Variants in METAP1D observed in about 807,000 individuals in gnomAD.
METAP1D encodes methionine aminopeptidase 1D, mitochondrial.
METAP1D carries 31 observed loss-of-function variants against 40.5 expected under a neutral mutation model. That is an observed-to-expected ratio of 0.77 (90% CI 0.58 to 1.03). The LOEUF (loss-of-function observed/expected upper bound fraction) is 1.03, where lower values mean the gene tolerates loss of function less well. METAP1D is among the 50% of genes least tolerant of loss of function. The probability of loss-of-function intolerance (pLI) is 0.00; values close to 1 mark genes in which losing one functional copy is unlikely to be tolerated. For synonymous variants in METAP1D, 151 were observed against 146.4 expected (o/e 1.03, Z -0.22); for missense variants, 411 against 420.7 (o/e 0.98, Z 0.20).
At chr2:172,050,827 G>A (rs999238323) in intron 1 of METAP1D, among the ~76,000 whole-genome samples, 8 of 152,140 alleles carry the variant, frequency 5.3e-5, no homozygotes, top group South Asian at 2.1e-4. Context: ...CAAAGAAAAT[G>A]ATATTTTGAT....
At chr2:172,014,762 C>G (rs775103575) in intron 1 of METAP1D, among the ~76,000 whole-genome samples, 1 of 152,162 alleles carries the variant, frequency 6.6e-6, no homozygotes, top group African/African-American at 2.4e-5. Context: ...AAGAAATTCT[C>G]CTGCCTCAGC....
intron 1 of METAP1D, among the ~76,000 whole-genome samples, chr2:172,049,768 T>G (rs1689848002): frequency 1.3e-5 from 2 of 152,204 alleles, no homozygotes; most frequent in African/African-American, 4.8e-5. Flanking sequence ...CTTGAATCTG[T>G]GTACTCTCAA....
chr2:172,017,047 A>G (rs1574093652), intron 1 of METAP1D, among the ~76,000 whole-genome samples: 1 of 151,996 alleles, frequency 6.6e-6, no homozygotes, highest in African/African-American at 2.4e-5. Context: ...TTTGTAACGT[A>G]TATCACATTT....
chr2:172,069,336 G>A (rs945729505), intron 5 of METAP1D, among the ~76,000 whole-genome samples: 2 of 151,982 alleles, frequency 1.3e-5, no homozygotes, highest in South Asian at 2.1e-4. Flanking sequence ...TCTTGACTAC[G>A]CCTATATTAG....
intron 1 of METAP1D, among the ~76,000 whole-genome samples, chr2:172,005,409 T>C (rs576171536): frequency 3.6e-4 from 55 of 151,438 alleles, no homozygotes; most frequent in Non-Finnish European, 7.5e-4. Context: ...TGGTTTTCTT[T>C]TCCTGAGTTA....
At chr2:172,001,799 A>G (rs756955075) in intron 1 of METAP1D, among the ~76,000 whole-genome samples, 7 of 152,082 alleles carry the variant, frequency 4.6e-5, no homozygotes, top group Non-Finnish European at 8.8e-5. Context: ...ATCTCTCAAG[A>G]TCTGGGTGCC....
chr2:172,025,747 C>T (rs957426496), intron 1 of METAP1D, among the ~76,000 whole-genome samples: 1 of 152,108 alleles, frequency 6.6e-6, no homozygotes, highest in African/African-American at 2.4e-5. Flanking sequence ...CGCTTCGTTG[C>T]CCAGGCTGGA....
intron 6 of METAP1D, among the ~76,000 whole-genome samples, chr2:172,077,420 A>T (rs1364543922): frequency 6.6e-6 from 1 of 152,246 alleles, no homozygotes; most frequent in African/African-American, 2.4e-5. Flanking sequence ...ACCTCAAAAA[A>T]GCCAGGCAGG....
Position 172,066,320 on chromosome 2 carries a change from A to T in METAP1D, c.540+14A>T. 6.2e-7 allele frequency: 1 copy of T among 1,605,886 alleles called. No individual in the cohort carries two copies. Among genetic ancestry groups the T allele is most frequent in the East Asian group, 2.2e-5 (1 of 44,718 alleles). On this transcript the variant is annotated intron_variant, in intron 5 of 9. Transcript: ENST00000315796. ...ATTGATGTCACAGTGAGTAAATCAT[A>T]TAAAAAATTGTCTTTGATCAACTTC...
chr2:172,049,936 T>C (rs1345651511), intron 1 of METAP1D, among the ~76,000 whole-genome samples: 1 of 152,220 alleles, frequency 6.6e-6, no homozygotes, highest in African/African-American at 2.4e-5. Flanking sequence ...ACGATAAGAT[T>C]GATATTCAAA....
At chr2:172,006,272 C>A (rs1286130639) in intron 1 of METAP1D, among the ~76,000 whole-genome samples, 6 of 151,990 alleles carry the variant, frequency 3.9e-5, no homozygotes, top group Non-Finnish European at 5.9e-5. Flanking sequence ...CAAGCTCCGC[C>A]TCCCAGGTTC....
At chr2:172,072,173 A>C (rs1690436809) in intron 6 of METAP1D, among the ~76,000 whole-genome samples, 1 of 152,202 alleles carries the variant, frequency 6.6e-6, no homozygotes, top group African/African-American at 2.4e-5. Context: ...CTGGGAAAAG[A>C]AATTTAATGC....
rs1462824189 is a variant in METAP1D at position 172,045,815 on chromosome 2, GTGTGTATATATATATATATATATATA to G, written c.41-15681_41-15656del. 4.5e-4 allele frequency among the ~76,000 whole-genome samples: 11 copies of G among 24,278 alleles called. No individual in the cohort carries two copies. In the South Asian group the frequency reaches 7.0e-3, roughly 16 times the overall value. The allele number at this position is 24,278 out of a possible 152,430, so 15.9% of individuals were successfully genotyped here. ...TGTATATATGTGTGTGTGTGTGTGTGTGTGTATATATATATATATATATATATATATATATATATATATATATATGA... is the reference window on the plus strand; with the variant it reads ...TGTATATATGTGTGTGTGTGTGTGTGTATATATATATATATATATATATGA... On this transcript the variant is annotated intron_variant, in intron 1 of 9. Transcript: ENST00000315796.
At chr2:172,021,932 T>G (rs991271776) in intron 1 of METAP1D, 3 of 152,244 alleles carry the variant, frequency 2.0e-5, no homozygotes, top group African/African-American at 7.2e-5. Context: ...AAGAAGAAAC[T>G]TTAAAACAAA....
intron 1 of METAP1D, among the ~76,000 whole-genome samples, chr2:172,024,748 T>TTG (rs61596658): frequency 0.053 from 3,555 of 66,598 alleles, 99 homozygotes; most frequent in African/African-American, 0.11. Context: ...GACATATAGA[T>TTG]TGTGTGTGTG....
intron 1 of METAP1D, among the ~76,000 whole-genome samples, chr2:172,037,028 G>C (rs1689409691): frequency 6.6e-6 from 1 of 152,324 alleles, no homozygotes; most frequent in South Asian, 2.1e-4. Flanking sequence ...GGTAGGCCAA[G>C]GTGGGCGGAT....
At chr2:172,010,775 T>C (rs1010743373) in intron 1 of METAP1D, among the ~76,000 whole-genome samples, 3 of 136,846 alleles carry the variant, frequency 2.2e-5, no homozygotes, top group Non-Finnish European at 4.7e-5. Context: ...TGAGATGAAG[T>C]CTCTGATCTT....
chr2:172,017,640 CA>C (rs539798093), intron 1 of METAP1D, among the ~76,000 whole-genome samples: 2,856 of 151,650 alleles, frequency 0.019, 57 homozygotes, highest in Admixed American at 0.068. Context: ...GGATAGTCTT[CA>C]AAGATTAACA....
In METAP1D at chr2:172,070,969, A is replaced by C; in HGVS notation, c.603A>C (p.Glu201Asp). The C allele has an allele frequency of 6.2e-7, 1 of 1,613,192 alleles. No homozygotes were observed. Among genetic ancestry groups the C allele is most frequent in the Non-Finnish European group, 8.5e-7 (1 of 1,179,324 alleles). The change falls in exon 6 of 10, where the codon GAA (glutamate) becomes GAC (aspartate). Residue 201 changes from glutamate (E) to aspartate (D), a missense_variant. Glu to Asp is a conservative substitution (Grantham distance 45). Transcript: ENST00000315796. Reference protein sequence around the residue: ...SETFLVGNVDECGKKLVEVAR... With the variant: ...SETFLVGNVDDCGKKLVEVAR... ...CATTTTTGGTGGGCAATGTGGACGA[A>C]TGTGGTAAAAAGTTAGTGGAGGTTG...
Sources: allele counts gnomAD v4.1 joint callset (sites outside exome capture counted in the v4.1 genomes callset), GRCh38; gene constraint gnomAD v4.1.1; transcripts MANE v1.5; gene names NCBI Gene and HGNC (gene_info 2026-07-23, HGNC 2026-07-21).